The following ITGA9 variants were observed in gnomAD, a reference collection of about 807,000 sequenced individuals.
ITGA9 encodes integrin alpha-9.
In ITGA9, 56 loss-of-function variants were observed where a neutral mutation model predicts 127.8. The observed-to-expected ratio is 0.44, with a 90% confidence interval of 0.35 to 0.55. The LOEUF is 0.55. Ranked by LOEUF, ITGA9 falls within the 20% of genes least tolerant of loss-of-function variation. ITGA9 has a pLI of 0.00. For synonymous variants in ITGA9, 508 were observed against 514.5 expected (o/e 0.99, Z 0.17); for missense variants, 1,196 against 1,347.1 (o/e 0.89, Z 1.76).
intron 17 of ITGA9, among the ~76,000 whole-genome samples, chr3:37,675,682 C>T (rs531510456): frequency 6.0e-5 from 9 of 151,096 alleles, no homozygotes; most frequent in Non-Finnish European, 1.2e-4. Context: ...ACAATATTCA[C>T]TAAAGCATTT....
chr3:37,529,220 T>G (rs1249085201), intron 13 of ITGA9, among the ~76,000 whole-genome samples: 1 of 152,194 alleles, frequency 6.6e-6, no homozygotes, highest in Non-Finnish European at 1.5e-5. Context: ...TATCCCCATT[T>G]TATGGGTGAG....
At position 37,822,166 on chromosome 3, in the gene ITGA9, A is replaced by G. The variant is rs1201376653; in HGVS notation, c.*3177A>G. 1.3e-5 allele frequency: 2 copies of G among 152,146 alleles called. No homozygotes were observed. The highest frequency in any genetic ancestry group is 2.9e-5 in the Non-Finnish European group (2 of 68,036). The allele number at this position is 152,146 out of a possible 1,614,324, so 9.4% of individuals were successfully genotyped here. A position where few individuals can be genotyped will look rare whatever the true frequency, so the allele number is the denominator to read the frequency against. ...TTCCATGGTTTCACTGTGGAATCCT[A>G]TAAGATATTCTCCTGAGCAGTATTA... On this transcript the variant is annotated 3_prime_UTR_variant, in exon 28 of 28. Transcript: ENST00000264741.
rs1482540131 is a variant in ITGA9, at chr3:37,820,276, T to C, written c.*1287T>C. ...GAGGAAAAGTTAGGCCTCAGAGGTG[T>C]CCCAACCTGAATCAAGGGGCTGGCT... On this transcript the variant is annotated 3_prime_UTR_variant, in exon 28 of 28. Transcript: ENST00000264741. The C allele has an allele frequency of 6.6e-6, 1 of 152,178 alleles. No individual in the cohort carries two copies. The highest frequency in any genetic ancestry group is 1.9e-4 in the East Asian group (1 of 5,198). The allele number at this position is 152,178 out of a possible 1,614,324, so 9.4% of individuals were successfully genotyped here. A position where few individuals can be genotyped will look rare whatever the true frequency, so the allele number is the denominator to read the frequency against.
intron 13 of ITGA9, 87 bp from the exon 14 acceptor site, chr3:37,533,227 A>T (rs1699174087): frequency 8.2e-7 from 1 of 1,215,156 alleles, no homozygotes. Flanking sequence ...TTGAAGGCCT[A>T]GGATTTATCC....
chr3:37,737,132 A>T, intron 20 of ITGA9, 149 bp downstream of exon 20: 1 of 692,818 alleles, frequency 1.4e-6, no homozygotes, highest in East Asian at 2.7e-5. Context: ...GCAAAGTGGA[A>T]TTGGATTTCT....
At chr3:37,505,209 T>C (rs1228566598) in intron 6 of ITGA9, among the ~76,000 whole-genome samples, 1 of 152,232 alleles carries the variant, frequency 6.6e-6, no homozygotes, top group Non-Finnish European at 1.5e-5. Context: ...GTGTGATCTT[T>C]GGCATGTTGT....
intron 8 of ITGA9, among the ~76,000 whole-genome samples, chr3:37,510,116 C>T (rs1698886467): frequency 6.6e-6 from 1 of 151,502 alleles, no homozygotes; most frequent in South Asian, 2.1e-4. Context: ...ATCCTCCTAC[C>T]TCAGCCTCCC....
chr3:37,581,082 A>T (rs964809943), intron 15 of ITGA9, among the ~76,000 whole-genome samples: 1 of 152,142 alleles, frequency 6.6e-6, no homozygotes, highest in Admixed American at 6.5e-5. Context: ...AGAAGTTTGG[A>T]TTTTATTTAC....
At chr3:37,501,524 G>A (rs1698787032) in intron 5 of ITGA9, among the ~76,000 whole-genome samples, 1 of 152,132 alleles carries the variant, frequency 6.6e-6, no homozygotes, top group Admixed American at 6.5e-5. Flanking sequence ...GTCTCTGTCT[G>A]AATGAAGATG....
intron 15 of ITGA9, among the ~76,000 whole-genome samples, chr3:37,617,696 G>A (rs1320986290): frequency 6.6e-6 from 1 of 151,900 alleles, no homozygotes; most frequent in Admixed American, 6.6e-5. Flanking sequence ...TTCTCTTCTT[G>A]CTTCATTTCA....
intron 17 of ITGA9, among the ~76,000 whole-genome samples, chr3:37,665,047 G>A (rs141302511): frequency 0.01 from 1,531 of 146,348 alleles, 8 homozygotes; most frequent in Non-Finnish European, 0.017. Flanking sequence ...ATCTCAGCTC[G>A]CTGCAACCTT....
intron 15 of ITGA9, among the ~76,000 whole-genome samples, chr3:37,616,430 A>G (rs2125628800): frequency 6.6e-6 from 1 of 152,338 alleles, no homozygotes; most frequent in South Asian, 2.1e-4. Context: ...GCTGAAAAGA[A>G]TGTATATTCT....
chr3:37,674,699 C>T (rs985890279), intron 17 of ITGA9, among the ~76,000 whole-genome samples: 2 of 152,224 alleles, frequency 1.3e-5, no homozygotes, highest in African/African-American at 4.8e-5. Context: ...AGAACTGGTA[C>T]AGCTCCCCTG....
Position 37,803,811 on chromosome 3 carries a change from G to A in ITGA9, c.2890-12G>A, listed in dbSNP as rs373646093. ...AAAAAGGAAATGTTTTCACTGTTGCGTTGCCTCCTAGGTGGTCTTCGAGGC... is the reference window on the plus strand; with the variant it reads ...AAAAAGGAAATGTTTTCACTGTTGCATTGCCTCCTAGGTGGTCTTCGAGGC... On this transcript the variant is annotated splice_polypyrimidine_tract_variant and intron_variant, in intron 26 of 27. Transcript: ENST00000264741. 25 of 1,613,820 alleles carry A rather than the reference G, an allele frequency of 1.5e-5. No individual in the cohort carries two copies. The highest frequency in any genetic ancestry group is 8.9e-5 in the East Asian group (4 of 44,884).
At chr3:37,732,922 C>A in intron 19 of ITGA9, 124 bp downstream of exon 19, 1 of 753,950 alleles carries the variant, frequency 1.3e-6, no homozygotes, top group South Asian at 1.5e-5. Flanking sequence ...GCAGCTGGGG[C>A]GGCCACTGAA....
intron 3 of ITGA9, among the ~76,000 whole-genome samples, chr3:37,476,454 C>G (rs1698495509): frequency 6.6e-6 from 1 of 151,922 alleles, no homozygotes; most frequent in African/African-American, 2.4e-5. Context: ...TAACATTGAG[C>G]ATTGTTTCAT....
chr3:37,487,725 T>G (rs1299413077), intron 4 of ITGA9, among the ~76,000 whole-genome samples: 2 of 151,962 alleles, frequency 1.3e-5, no homozygotes, highest in African/African-American at 2.4e-5. Context: ...AGAGGAGGGG[T>G]TGACGGCTTT....
At chr3:37,741,870 A>G (rs1158987774) in intron 21 of ITGA9, 51 bp downstream of exon 21, 1 of 1,381,860 alleles carries the variant, frequency 7.2e-7, no homozygotes. Context: ...CCTCCAGTGG[A>G]ACACTGTGCT....
At chr3:37,663,290 A>T (rs1370626572) in intron 17 of ITGA9, among the ~76,000 whole-genome samples, 1 of 152,236 alleles carries the variant, frequency 6.6e-6, no homozygotes, top group Non-Finnish European at 1.5e-5. Context: ...GCTTTAAAAA[A>T]ATTCTTTTTT....
Sources: gnomAD v4.1 joint callset for allele counts (sites outside exome capture counted in the v4.1 genomes callset) on GRCh38, gnomAD v4.1.1 for gene constraint, MANE v1.5 for transcripts, NCBI Gene and HGNC (gene_info 2026-07-23, HGNC 2026-07-21) for gene names.